SLC9C1: variants seen among roughly 807,000 people sequenced by gnomAD.
SLC9C1 encodes solute carrier family 9 member C1.
SLC9C1 carries 97 observed loss-of-function variants against 140.9 expected under a neutral mutation model. That is an observed-to-expected ratio of 0.69 (90% CI 0.58 to 0.82). The LOEUF is 0.82. Ranked by LOEUF, SLC9C1 falls within the 40% of genes least tolerant of loss-of-function variation. The probability of loss-of-function intolerance (pLI) is 0.00; values close to 1 mark genes in which losing one functional copy is unlikely to be tolerated. For synonymous variants in SLC9C1, 440 were observed against 442.6 expected (o/e 0.99, Z 0.07); for missense variants, 1,340 against 1,389.3 (o/e 0.96, Z 0.56).
intron 15 of SLC9C1, among the ~76,000 whole-genome samples, chr3:112,212,097 G>A (rs2078224648): frequency 2.6e-5 from 4 of 152,336 alleles, no homozygotes; most frequent in African/African-American, 7.2e-5. Context: ...GGCAAACAGG[G>A]TCTGGAGTGG....
intron 13 of SLC9C1, among the ~76,000 whole-genome samples, chr3:112,224,795 A>T (rs999348617): frequency 1.3e-5 from 2 of 151,906 alleles, no homozygotes; most frequent in African/African-American, 4.8e-5. Context: ...ATAAGAAAGA[A>T]AGAAAAGAAA....
intron 13 of SLC9C1, among the ~76,000 whole-genome samples, chr3:112,221,447 A>C (rs866594730): frequency 1.6e-4 from 24 of 152,286 alleles, no homozygotes; most frequent in African/African-American, 5.8e-4. Flanking sequence ...GAGCTCTTCT[A>C]GACATGGAAT....
chr3:112,196,696 GT>G (rs1282259027), intron 20 of SLC9C1, among the ~76,000 whole-genome samples: 2 of 151,782 alleles, frequency 1.3e-5, no homozygotes, highest in African/African-American at 4.8e-5. Flanking sequence ...TTTCGTTATT[GT>G]ACTTAATTGT....
intron 7 of SLC9C1, among the ~76,000 whole-genome samples, chr3:112,266,944 C>T (rs1222835453): frequency 6.6e-6 from 1 of 152,134 alleles, no homozygotes; most frequent in Non-Finnish European, 1.5e-5. Context: ...ATTGTCTTGT[C>T]TATTCTCACA....
rs949307029 is a variant in SLC9C1 at position 112,208,042 on chromosome 3, T to C, written c.1986+136A>G. ...TTACTATAAAAATCACCTTCAAAAA[T>C]TAAAGTTTGGAGACGTGAGGAAGAA... On this transcript the variant is annotated intron_variant, in intron 16 of 28. Transcript: ENST00000305815. 1.6e-5 allele frequency: 10 copies of C among 607,420 alleles called. No homozygotes were observed. The Admixed American group carries it at 3.3e-4, about 20-fold the overall frequency. 37.6% of individuals were successfully genotyped at this position (607,420 alleles called of 1,614,324 possible).
intron 3 of SLC9C1, 129 bp from the exon 4 acceptor site, chr3:112,278,986 G>A (rs2080290611): frequency 3.5e-6 from 3 of 860,572 alleles, no homozygotes; most frequent in South Asian, 3.8e-5. Flanking sequence ...AAAGGAGTAA[G>A]TGATCGTATC....
At position 112,169,331 on chromosome 3, in the gene SLC9C1, G is replaced by A. The variant is rs193250654; in HGVS notation, c.2920-3C>T. The A allele has an allele frequency of 2.1e-5, 33 of 1,600,394 alleles. No individual in the cohort carries two copies. In the East Asian group the frequency reaches 5.4e-4, roughly 26 times the overall value. On this transcript the variant is annotated splice_region_variant and splice_polypyrimidine_tract_variant and intron_variant, in intron 23 of 28. Transcript: ENST00000305815. ...TGAGTTTTGGGAATAAAACATGTCT[G>A]GAAAAGAAGGATGTAAATTTGATAT...
chr3:112,249,694 T>C (rs569462460), intron 10 of SLC9C1, among the ~76,000 whole-genome samples: 8 of 152,178 alleles, frequency 5.3e-5, no homozygotes, highest in Non-Finnish European at 1.0e-4. Flanking sequence ...CAATAATTTA[T>C]CTATTTCTTG....
intron 26 of SLC9C1, among the ~76,000 whole-genome samples, chr3:112,161,898 A>G (rs1185679200): frequency 6.6e-6 from 1 of 151,066 alleles, no homozygotes; most frequent in Admixed American, 6.6e-5. Flanking sequence ...CTTCCTACCC[A>G]TGAGCATGGA....
intron 25 of SLC9C1, among the ~76,000 whole-genome samples, chr3:112,167,682 C>A (rs1340109709): frequency 6.6e-6 from 1 of 151,786 alleles, no homozygotes; most frequent in Non-Finnish European, 1.5e-5. Flanking sequence ...TCAAAATATT[C>A]TTTTCATTAA....
At chr3:112,219,832 C>T (rs899094064) in intron 14 of SLC9C1, among the ~76,000 whole-genome samples, 8 of 152,210 alleles carry the variant, frequency 5.3e-5, no homozygotes, top group South Asian at 2.1e-4. Flanking sequence ...CCACCCACCT[C>T]GGCCTCCTAA....
chr3:112,240,677 T>C (rs2079116156), intron 11 of SLC9C1, among the ~76,000 whole-genome samples: 1 of 152,224 alleles, frequency 6.6e-6, no homozygotes, highest in South Asian at 2.1e-4. Flanking sequence ...TTGGAATGCA[T>C]ACTTTGGGAC....
chr3:112,172,709 G>C (rs2077268121), intron 23 of SLC9C1, among the ~76,000 whole-genome samples: 1 of 152,044 alleles, frequency 6.6e-6, no homozygotes, highest in Admixed American at 6.5e-5. Flanking sequence ...AGTTCAGGAA[G>C]TTGCATTCTA....
intron 15 of SLC9C1, among the ~76,000 whole-genome samples, chr3:112,213,822 A>G (rs1374852835): frequency 6.6e-6 from 1 of 152,220 alleles, no homozygotes; most frequent in African/African-American, 2.4e-5. Flanking sequence ...TAACAAGGAT[A>G]TCCAGGAATT....
chr3:112,266,170 T>C (rs1210105661), intron 8 of SLC9C1, 68 bp downstream of exon 8: 2 of 1,122,820 alleles, frequency 1.8e-6, no homozygotes, highest in Admixed American at 2.1e-5. Context: ...TAGATGTAGA[T>C]ATTGTTACTA....
intron 16 of SLC9C1, among the ~76,000 whole-genome samples, chr3:112,206,521 T>C (rs6438038): frequency 0.76 from 114,759 of 151,982 alleles, 43,735 homozygotes; most frequent in East Asian, 0.99. Context: ...ATAAATCATG[T>C]TACTATAAAG....
chr3:112,255,269 C>T (rs1279240746), intron 10 of SLC9C1, among the ~76,000 whole-genome samples: 1 of 152,170 alleles, frequency 6.6e-6, no homozygotes, highest in East Asian at 1.9e-4. Context: ...CATCAAAAAA[C>T]AACAGAATAT....
At chr3:112,161,931 C>T (rs2075312058) in intron 26 of SLC9C1, among the ~76,000 whole-genome samples, 1 of 151,476 alleles carries the variant, frequency 6.6e-6, no homozygotes, top group South Asian at 2.1e-4. Flanking sequence ...TTGTTTGTAT[C>T]CTCTTTTATT....
chr3:112,179,747 T>C, intron 22 of SLC9C1, 46 bp from the exon 23 acceptor site: 1 of 1,492,020 alleles, frequency 6.7e-7, no homozygotes, highest in Non-Finnish European at 8.9e-7. Context: ...CCAGTTAACT[T>C]GTATTACCAA....
Sources: gnomAD v4.1 joint callset for allele counts (sites outside exome capture counted in the v4.1 genomes callset) on GRCh38, gnomAD v4.1.1 for gene constraint, MANE v1.5 for transcripts, NCBI Gene and HGNC (gene_info 2026-07-23, HGNC 2026-07-21) for gene names.